RAP1B: variants seen among roughly 807,000 people sequenced by gnomAD.
RAP1B encodes ras-related protein Rap-1b.
Under a neutral mutation model 27.5 loss-of-function variants are expected in RAP1B, and 1 was observed. The observed-to-expected ratio is 0.04, with a 90% confidence interval of 0.01 to 0.17. RAP1B has a LOEUF of 0.17. RAP1B is among the 10% of genes least tolerant of loss of function. The pLI is 1.00. For synonymous variants in RAP1B, 75 were observed against 73.1 expected, an observed-to-expected ratio of 1.03 and a Z score of -0.13; for missense variants, 84 against 214.8, an observed-to-expected ratio of 0.39 and a Z score of 3.81.
intron 1 of RAP1B, among the ~76,000 whole-genome samples, chr12:68,646,429 G>A (rs1395490093): frequency 1.3e-5 from 2 of 152,018 alleles, no homozygotes; most frequent in African/African-American, 4.8e-5. Context: ...CCGAGTAGCT[G>A]GGATTACATG....
chr12:68,646,189 T>C (rs569544615), intron 1 of RAP1B, among the ~76,000 whole-genome samples: 1 of 152,332 alleles, frequency 6.6e-6, no homozygotes, highest in South Asian at 2.1e-4. Flanking sequence ...ATAGTTTTTA[T>C]ATTCAGTATT....
intron 1 of RAP1B, among the ~76,000 whole-genome samples, chr12:68,634,222 T>C (rs1370659422): frequency 1.3e-5 from 2 of 152,252 alleles, no homozygotes; most frequent in African/African-American, 4.8e-5. Context: ...CTACTTCCTA[T>C]GTGTTACTCA....
intron 1 of RAP1B, among the ~76,000 whole-genome samples, chr12:68,618,932 A>T (rs1871208794): frequency 6.6e-6 from 1 of 151,908 alleles, no homozygotes; most frequent in Admixed American, 6.6e-5. Context: ...ATGTAGTGAG[A>T]GCCTGTCTCT....
At position 68,659,974 on chromosome 12, in the gene RAP1B, G is replaced by T. The variant is rs1225984944; in HGVS notation, c.*725G>T. ...GTTTACATAGGGAACAATGTTTATA[G>T]TCGTGTGTACAGTGGGGGTCTACAA... is the stretch of plus-strand genomic sequence containing the variant. On this transcript the variant is annotated 3_prime_UTR_variant, in exon 8 of 8. Transcript: ENST00000250559. 1 of 143,902 alleles carries T rather than the reference G, an allele frequency of 6.9e-6. No individual in the cohort carries two copies. The highest frequency in any genetic ancestry group is 1.5e-5 in the Non-Finnish European group (1 of 66,354). The allele number at this position is 143,902 out of a possible 1,614,324, so 8.9% of individuals were successfully genotyped here. A position where few individuals can be genotyped will look rare whatever the true frequency, so the allele number is the denominator to read the frequency against.
chr12:68,644,292 T>A (rs41460144), intron 1 of RAP1B, among the ~76,000 whole-genome samples: 26,816 of 152,136 alleles, frequency 0.18, 3,045 homozygotes, highest in South Asian at 0.45. Context: ...GCTAGTAGAT[T>A]AAAGAGTGGA....
chr12:68,636,749 G>C (rs992580243), intron 1 of RAP1B, among the ~76,000 whole-genome samples: 2 of 151,630 alleles, frequency 1.3e-5, no homozygotes, highest in African/African-American at 2.4e-5. Flanking sequence ...CGGAGTCTCT[G>C]TTCAAGCAAT....
At position 68,633,383 on chromosome 12, in the gene RAP1B, T is replaced by C. The variant is rs115764487; in HGVS notation, c.-26-15316T>C. 2.6e-3 allele frequency among the ~76,000 whole-genome samples: 399 copies of C among 152,326 alleles called. 3 individuals carry two copies. Among genetic ancestry groups the C allele is most frequent in the African/African-American group, 9.1e-3 (378 of 41,566 alleles). Reference sequence around the variant, plus strand: ...GCCTTGCCTGGTAGTTCTTTATAGATAGACAATTGTTCTCTTCTCTGCATC... The same window carrying C: ...GCCTTGCCTGGTAGTTCTTTATAGACAGACAATTGTTCTCTTCTCTGCATC... On this transcript the variant is annotated intron_variant, in intron 1 of 7. Coordinates refer to ENST00000250559, the MANE Select transcript of RAP1B (RefSeq NM_001010942.3).
Position 68,664,966 on chromosome 12 carries a change from TCAAC to T in RAP1B, c.*5721_*5724del, listed in dbSNP as rs978228879. 5 of 152,046 alleles carry T rather than the reference TCAAC, an allele frequency of 3.3e-5. No homozygotes were observed. Among genetic ancestry groups the T allele is most frequent in the African/African-American group, 1.2e-4 (5 of 41,398 alleles). The allele number at this position is 152,046 out of a possible 1,614,324, so 9.4% of individuals were successfully genotyped here. ...GTCAATGTCAGATTTCCTGAGCAAA[TCAAC>T]CAATAATGAAAAACTATGTGGCTGG... On this transcript the variant is annotated 3_prime_UTR_variant, in exon 8 of 8. Transcript: ENST00000250559.
rs1173855583 is a variant in RAP1B, at chr12:68,654,352, G to GC, written c.324+100_324+101insC. On this transcript the variant is annotated intron_variant, in intron 5 of 7. Transcript: ENST00000250559. ...ATTTTAAAGCTTGTGTATTTTGGTTGGGGGGGGGGTGTTGGTTTTTTTAAA... is the reference window on the plus strand; with the variant it reads ...ATTTTAAAGCTTGTGTATTTTGGTTGCGGGGGGGGGTGTTGGTTTTTTTAAA... The GC allele has an allele frequency of 2.0e-4, 45 of 222,162 alleles. 2 individuals are homozygous for GC. In the Admixed American group the frequency reaches 6.4e-3, roughly 32 times the overall value. The allele number at this position is 222,162 out of a possible 1,614,324, so 13.8% of individuals were successfully genotyped here.
chr12:68,652,532 T>G (rs1487955505), intron 4 of RAP1B, among the ~76,000 whole-genome samples: 1 of 152,082 alleles, frequency 6.6e-6, no homozygotes, highest in Non-Finnish European at 1.5e-5. Context: ...AATTTTATAT[T>G]GGCCGGGCGC....
intron 1 of RAP1B, among the ~76,000 whole-genome samples, chr12:68,645,145 T>C (rs1421083846): frequency 6.6e-6 from 1 of 152,144 alleles, no homozygotes; most frequent in African/African-American, 2.4e-5. Flanking sequence ...TGGCAGTGAG[T>C]AAAACAAAAA....
intron 7 of RAP1B, among the ~76,000 whole-genome samples, chr12:68,658,094 G>A (rs1025281716): frequency 6.6e-5 from 10 of 152,166 alleles, no homozygotes; most frequent in Non-Finnish European, 1.5e-4. Context: ...TTCCTCTTCA[G>A]CTGTCATTAA....
intron 1 of RAP1B, among the ~76,000 whole-genome samples, chr12:68,629,884 G>T (rs1395222561): frequency 6.6e-6 from 1 of 152,110 alleles, no homozygotes; most frequent in Non-Finnish European, 1.5e-5. Context: ...GGGTTGTTTG[G>T]CATATATTTT....
At chr12:68,626,774 GTTTT>G in intron 1 of RAP1B, 1 of 1,066,718 alleles carries the variant, frequency 9.4e-7, no homozygotes, top group African/African-American at 1.6e-5. Context: ...TTTCCAGGGT[GTTTT>G]TTTTTTGTTG....
At chr12:68,631,976 A>G (rs1343476173) in intron 1 of RAP1B, among the ~76,000 whole-genome samples, 1 of 151,550 alleles carries the variant, frequency 6.6e-6, no homozygotes, top group East Asian at 1.9e-4. Context: ...CCGTGCTTAA[A>G]CCTGGACCGT....
chr12:68,639,879 G>A (rs955347241), intron 1 of RAP1B, among the ~76,000 whole-genome samples: 2 of 149,036 alleles, frequency 1.3e-5, no homozygotes, highest in Admixed American at 6.7e-5. Flanking sequence ...GTCCTGCTCT[G>A]TGCTAGGCTG....
intron 2 of RAP1B, 92 bp downstream of exon 2, chr12:68,648,873 A>G: frequency 8.6e-7 from 1 of 1,166,400 alleles, no homozygotes; most frequent in Non-Finnish European, 1.2e-6. Context: ...TTGTTAAGAT[A>G]AAATTCCTTA....
intron 7 of RAP1B, chr12:68,657,607 A>C (rs1874296496): frequency 6.3e-6 from 1 of 159,108 alleles, no homozygotes; most frequent in Non-Finnish European, 1.4e-5. Flanking sequence ...GTGTTTCACC[A>C]TTGTTGGCCA....
At chr12:68,621,579 G>A (rs1256345380) in intron 1 of RAP1B, 1 of 152,166 alleles carries the variant, frequency 6.6e-6, no homozygotes, top group Admixed American at 6.5e-5. Flanking sequence ...GTGATAATAG[G>A]CAATGAAGAG....
Sources: allele counts gnomAD v4.1 joint callset (sites outside exome capture counted in the v4.1 genomes callset), GRCh38; gene constraint gnomAD v4.1.1; transcripts MANE v1.5; gene names NCBI Gene and HGNC (gene_info 2026-07-23, HGNC 2026-07-21).